The following PTPRD variants were observed in gnomAD, a reference collection of about 807,000 sequenced individuals.
PTPRD encodes the protein receptor-type tyrosine-protein phosphatase delta.
In PTPRD, 34 loss-of-function variants were observed where a neutral mutation model predicts 214.5. The ratio of observed to expected loss-of-function variants is 0.16; its 90% CI spans 0.12 to 0.21. The LOEUF is 0.21. Among genes scored for constraint, PTPRD ranks in the 10% least tolerant of loss-of-function variants. The pLI, the probability that PTPRD is intolerant of heterozygous loss-of-function variation, is 1.00. For synonymous variants in PTPRD, 1,128 were observed against 845.7 expected (o/e 1.33, Z -5.79); for missense variants, 2,545 against 2,398.7 (o/e 1.06, Z -1.27).
chr9:8,983,510 TC>T (rs759141719), intron 11 of PTPRD, among the ~76,000 whole-genome samples: 35 of 151,836 alleles, frequency 2.3e-4, no homozygotes, highest in Non-Finnish European at 4.6e-4. Flanking sequence ...TACATTTTCT[TC>T]CCCCTCCCCC....
intron 11 of PTPRD, among the ~76,000 whole-genome samples, chr9:8,828,389 T>G (rs1308711522): frequency 6.6e-6 from 1 of 152,186 alleles, no homozygotes; most frequent in East Asian, 1.9e-4. Flanking sequence ...GACTTCTCAC[T>G]GCCATGTGAG....
intron 8 of PTPRD, among the ~76,000 whole-genome samples, chr9:9,559,071 A>C (rs1416889033): frequency 1.3e-5 from 2 of 152,136 alleles, no homozygotes; most frequent in Non-Finnish European, 1.5e-5. Context: ...CCATCCCGTT[A>C]TTGGGTAAGT....
chr9:10,089,183 G>A (rs1178716508), intron 3 of PTPRD, among the ~76,000 whole-genome samples: 1 of 148,386 alleles, frequency 6.7e-6, no homozygotes, highest in Non-Finnish European at 1.5e-5. Context: ...CACAGCCTGG[G>A]TGACAGAATG....
At chr9:9,853,336 T>C (rs1003888583) in intron 5 of PTPRD, among the ~76,000 whole-genome samples, 1 of 152,196 alleles carries the variant, frequency 6.6e-6, no homozygotes, top group Admixed American at 6.5e-5. Context: ...TCTTATGTCA[T>C]AAAACATTCT....
chr9:9,479,174 G>A (rs900469989), intron 8 of PTPRD, among the ~76,000 whole-genome samples: 19 of 146,886 alleles, frequency 1.3e-4, no homozygotes, highest in Non-Finnish European at 2.4e-4. Context: ...GTTCTTATAT[G>A]AGGAGATAAA....
chr9:10,265,142 C>T (rs368641885), intron 3 of PTPRD, among the ~76,000 whole-genome samples: 6 of 152,196 alleles, frequency 3.9e-5, no homozygotes, highest in Admixed American at 2.6e-4. Context: ...TACAGTATGA[C>T]ACCGTGACTC....
chr9:9,371,264 G>T lies in PTPRD; in HGVS notation c.-203+26185C>A, dbSNP rs573607734. ...TCCTGGACTTTTTTTGGTTGGTAAG[G>T]TATTAATTATTGCCTCAATTTCAGA... On this transcript the variant is annotated intron_variant, in intron 9 of 45. Coordinates refer to ENST00000381196, the MANE Select transcript of PTPRD (RefSeq NM_002839.4). Among the ~76,000 whole-genome samples, 448 of 151,852 alleles carry T rather than the reference G, an allele frequency of 3.0e-3. 2 individuals carry two copies. The highest frequency in any genetic ancestry group is 0.01 in the African/African-American group (421 of 41,468).
chr9:9,366,666 T>G (rs1322998809), intron 9 of PTPRD, among the ~76,000 whole-genome samples: 1 of 151,550 alleles, frequency 6.6e-6, no homozygotes, highest in Non-Finnish European at 1.5e-5. Context: ...ACCAGTTACA[T>G]TTCTTATTTG....
intron 12 of PTPRD, among the ~76,000 whole-genome samples, chr9:8,681,349 G>A (rs940075031): frequency 2.0e-5 from 3 of 151,580 alleles, no homozygotes; most frequent in Admixed American, 6.6e-5. Context: ...TATAGCTAGC[G>A]AAGAAAAAAA....
intron 3 of PTPRD, among the ~76,000 whole-genome samples, chr9:10,213,339 G>T (rs1378198658): frequency 6.6e-6 from 1 of 152,024 alleles, no homozygotes; most frequent in Non-Finnish European, 1.5e-5. Flanking sequence ...GATAATCAGG[G>T]AATGTTTCAG....
intron 6 of PTPRD, among the ~76,000 whole-genome samples, chr9:9,734,984 C>T (rs902348163): frequency 6.6e-6 from 1 of 152,058 alleles, no homozygotes; most frequent in Non-Finnish European, 1.5e-5. Context: ...TCCCATTTTT[C>T]AGGTTTTTGC....
intron 2 of PTPRD, among the ~76,000 whole-genome samples, chr9:10,491,795 T>C (rs954963054): frequency 6.6e-6 from 1 of 152,022 alleles, no homozygotes; most frequent in Non-Finnish European, 1.5e-5. Flanking sequence ...ACATGTGCCA[T>C]GGTGGTTTGC....
At chr9:9,563,657 T>G (rs564820305) in intron 8 of PTPRD, among the ~76,000 whole-genome samples, 1 of 152,150 alleles carries the variant, frequency 6.6e-6, no homozygotes, top group African/African-American at 2.4e-5. Context: ...GATTAAACAT[T>G]ATGTTATATG....
chr9:8,371,931 G>A (rs1367028027), intron 39 of PTPRD, among the ~76,000 whole-genome samples: 2 of 151,954 alleles, frequency 1.3e-5, no homozygotes, highest in Non-Finnish European at 1.5e-5. Flanking sequence ...GGTGAGATCA[G>A]CCTAAATTAC....
At chr9:9,713,417 G>C (rs1338720372) in intron 7 of PTPRD, among the ~76,000 whole-genome samples, 7 of 152,186 alleles carry the variant, frequency 4.6e-5, no homozygotes, top group African/African-American at 1.7e-4. Flanking sequence ...ATGGAGGACA[G>C]CAAGAAATGT....
intron 9 of PTPRD, among the ~76,000 whole-genome samples, chr9:9,298,919 A>G (rs1246225719): frequency 6.6e-6 from 1 of 151,842 alleles, no homozygotes; most frequent in Non-Finnish European, 1.5e-5. Context: ...CATCACAATG[A>G]GCATGAAATA....
chr9:10,271,387 A>ACTC (rs2094410056), intron 3 of PTPRD, among the ~76,000 whole-genome samples: 1 of 133,374 alleles, frequency 7.5e-6, no homozygotes, highest in Non-Finnish European at 1.7e-5. Context: ...AGTAACTCAG[A>ACTC]GTCTCTTTAT....
intron 42 of PTPRD, 56 bp downstream of exon 42, chr9:8,340,287 C>T (rs2132337169): frequency 6.7e-7 from 1 of 1,495,380 alleles, no homozygotes; most frequent in Non-Finnish European, 9.1e-7. Flanking sequence ...ACAAAGTCTT[C>T]ATTTCTCCAC....
intron 14 of PTPRD, among the ~76,000 whole-genome samples, chr9:8,560,039 G>A (rs1040341430): frequency 7.9e-5 from 12 of 152,162 alleles, no homozygotes; most frequent in African/African-American, 2.7e-4. Flanking sequence ...CAGTAAGCAA[G>A]TAAGATCGCA....
Sources: allele counts gnomAD v4.1 joint callset (sites outside exome capture counted in the v4.1 genomes callset), GRCh38; gene constraint gnomAD v4.1.1; transcripts MANE v1.5; gene names NCBI Gene and HGNC (gene_info 2026-07-23, HGNC 2026-07-21).